Variants in FAM234B observed in about 807,000 individuals in gnomAD.
FAM234B encodes the protein family with sequence similarity 234 member B, also known as protein FAM234B.
Under a neutral mutation model 69.3 loss-of-function variants are expected in FAM234B, and 33 were observed. That is an observed-to-expected ratio of 0.48 (90% CI 0.36 to 0.64). The LOEUF is 0.64. Ranked by LOEUF, FAM234B falls within the 30% of genes least tolerant of loss-of-function variation. The pLI is 0.00. For synonymous variants in FAM234B, 306 were observed against 306.9 expected (o/e 1.00, Z 0.03); for missense variants, 697 against 769.7 (o/e 0.91, Z 1.12).
At chr12:13,057,456 C>CT (rs78692501) in intron 2 of FAM234B, among the ~76,000 whole-genome samples, 236 of 147,414 alleles carry the variant, frequency 1.6e-3, no homozygotes, top group South Asian at 0.013. Context: ...TGCTTCCAGT[C>CT]TTTTTTTTTT....
chr12:13,068,762 T>G, intron 9 of FAM234B, 51 bp downstream of exon 9: 1 of 1,242,352 alleles, frequency 8.0e-7, no homozygotes, highest in South Asian at 1.3e-5. Flanking sequence ...GTATATACTT[T>G]GTGTCCAACC....
At chr12:13,080,596 A>G (rs1483592133) in intron 12 of FAM234B, 29 bp from the exon 13 acceptor site, 2 of 1,591,460 alleles carry the variant, frequency 1.3e-6, no homozygotes, top group Middle Eastern at 1.7e-4. Flanking sequence ...ATGAAAAACA[A>G]TAAAGTCACG....
chr12:13,068,549 T>C, intron 8 of FAM234B, 81 bp from the exon 9 acceptor site: 1 of 1,584,406 alleles, frequency 6.3e-7, no homozygotes, highest in Non-Finnish European at 8.6e-7. Context: ...CTGGGGCCAG[T>C]GCAAGAGAAG....
chr12:13,080,872 G>C lies in FAM234B; in HGVS notation c.*242G>C. Reference sequence around the variant, plus strand: ...TAATCCCCTCTAGGAACTCTGCGTGGATCGTTTGGAAATGTGAATCTCTTA... The same window carrying C: ...TAATCCCCTCTAGGAACTCTGCGTGCATCGTTTGGAAATGTGAATCTCTTA... On this transcript the variant is annotated 3_prime_UTR_variant, in exon 13 of 13. Coordinates refer to ENST00000197268, the MANE Select transcript of FAM234B (RefSeq NM_020853.2). The C allele has an allele frequency of 2.3e-6, 1 of 429,474 alleles. No individual in the cohort carries two copies. 26.6% of individuals were successfully genotyped at this position (429,474 alleles called of 1,614,324 possible). A position where few individuals can be genotyped will look rare whatever the true frequency, so the allele number is the denominator to read the frequency against.
chr12:13,055,321 C>G (rs976135495), intron 1 of FAM234B, among the ~76,000 whole-genome samples: 7 of 152,212 alleles, frequency 4.6e-5, no homozygotes, highest in Non-Finnish European at 7.3e-5. Context: ...GTCTTAAACT[C>G]ATGCAGGCAG....
At chr12:13,075,719 G>C (rs373605385) in intron 10 of FAM234B, among the ~76,000 whole-genome samples, 36 of 150,834 alleles carry the variant, frequency 2.4e-4, no homozygotes, top group African/African-American at 8.8e-4. Flanking sequence ...GCCTCCTAAA[G>C]TGCTGGGATT....
chr12:13,055,489 A>G, intron 1 of FAM234B, 62 bp from the exon 2 acceptor site: 2 of 1,443,404 alleles, frequency 1.4e-6, no homozygotes, highest in Non-Finnish European at 9.3e-7. Flanking sequence ...CAGTTGCCAT[A>G]TATTTGGTGA....
At chr12:13,077,243 G>A (rs373905642) in intron 11 of FAM234B, among the ~76,000 whole-genome samples, 30 of 152,070 alleles carry the variant, frequency 2.0e-4, no homozygotes, top group East Asian at 1.5e-3. Flanking sequence ...ATTACAACTT[G>A]TATTTTATTT....
intron 2 of FAM234B, among the ~76,000 whole-genome samples, chr12:13,058,063 G>GCTTTTGGCTAGGGAAGGCAGC (rs1258499122): frequency 2.4e-4 from 36 of 152,190 alleles, no homozygotes; most frequent in Non-Finnish European, 4.9e-4. Context: ...CCTTTCCTGG[G>GCTTTTGGCTAGGGAAGGCAGC]CTTTTGGCTA....
At position 13,067,403 on chromosome 12, in the gene FAM234B, G is replaced by C; in HGVS notation, c.1142+107G>C. On this transcript the variant is annotated intron_variant, in intron 7 of 12. Transcript: ENST00000197268. The surrounding 1 kb of genome is among the most constrained non-coding windows in gnomAD (Gnocchi z 4.7). ...GGTGAATATGTGGGTAGAGGTTTAG[G>C]GGAAACAGTGCTTATCTTAATTTAC... The C allele has an allele frequency of 8.8e-7, 1 of 1,138,586 alleles. No individual in the cohort carries two copies. Among genetic ancestry groups the C allele is most frequent in the Non-Finnish European group, 1.3e-6 (1 of 778,446 alleles). The allele number at this position is 1,138,586 out of a possible 1,614,324, so 70.5% of individuals were successfully genotyped here.
intron 10 of FAM234B, 90 bp downstream of exon 10, chr12:13,071,486 C>T: frequency 2.4e-6 from 3 of 1,228,272 alleles, no homozygotes; most frequent in Non-Finnish European, 2.3e-6. Flanking sequence ...TTATTTGACC[C>T]ATCACTTTCC....
At chr12:13,069,278 ATGGATGAC>A in intron 9 of FAM234B, among the ~76,000 whole-genome samples, 1 of 152,162 alleles carries the variant, frequency 6.6e-6, no homozygotes, top group East Asian at 1.9e-4. Flanking sequence ...TAATGATTGG[ATGGATGAC>A]TTTCATTTCT....
At chr12:13,061,471 C>T in intron 3 of FAM234B, 104 bp from the exon 4 acceptor site, 1 of 864,336 alleles carries the variant, frequency 1.2e-6, no homozygotes, top group Non-Finnish European at 1.8e-6. Context: ...AGTGTGGTTG[C>T]TGCCTTACCA....
At chr12:13,047,095 G>A (rs1013914620) in intron 1 of FAM234B, among the ~76,000 whole-genome samples, 4 of 152,158 alleles carry the variant, frequency 2.6e-5, no homozygotes, top group African/African-American at 9.7e-5. Flanking sequence ...CTGAAGGAAG[G>A]CTTGATGTAA....
chr12:13,058,751 G>A lies in FAM234B; in HGVS notation c.532+202G>A, dbSNP rs1864957124. On this transcript the variant is annotated intron_variant, in intron 3 of 12. Transcript: ENST00000197268. ...GTCTAAGAAATCGGAGGGAGTTAGA[G>A]CTGGAAGGAATTTTTAGTGGTGACC... Among the ~76,000 whole-genome samples, 3 of 152,186 alleles carry A rather than the reference G, an allele frequency of 2.0e-5. No individual in the cohort carries two copies. In the South Asian group the frequency reaches 6.2e-4, roughly 32 times the overall value.
intron 9 of FAM234B, among the ~76,000 whole-genome samples, chr12:13,069,141 G>A (rs192125988): frequency 6.6e-6 from 1 of 152,196 alleles, no homozygotes; most frequent in Non-Finnish European, 1.5e-5. Flanking sequence ...TCGTATTTAT[G>A]TAGACAGGAA....
At chr12:13,046,370 T>C (rs527652659) in intron 1 of FAM234B, among the ~76,000 whole-genome samples, 2 of 152,344 alleles carry the variant, frequency 1.3e-5, no homozygotes, top group South Asian at 2.1e-4. Flanking sequence ...TCCCCTGTAA[T>C]TGGGGTCCTG....
Position 13,079,841 on chromosome 12 carries a change from G to A in FAM234B, c.1695G>A (p.Gly565=). 1 of 1,614,048 alleles carries A rather than the reference G, an allele frequency of 6.2e-7. No homozygotes were observed. The highest frequency in any genetic ancestry group is 8.5e-7 in the Non-Finnish European group (1 of 1,179,978). The change falls in exon 12 of 13, where the codon GGG becomes GGA. Residue 565 remains glycine (G), a synonymous_variant. Coordinates refer to ENST00000197268, the MANE Select transcript of FAM234B (RefSeq NM_020853.2). ...KDAFYVTRTT[G]PSSEGHPAAL... The stretch of plus-strand genomic sequence containing the variant: ...CCTTTTATGTTACCAGGACAACAGG[G>A]CCAAGCTCCGAAGGCCATCCAGCAG...
chr12:13,071,136 A>T (rs904695753), intron 9 of FAM234B, 105 bp from the exon 10 acceptor site: 43 of 1,224,052 alleles, frequency 3.5e-5, no homozygotes, highest in Non-Finnish European at 5.0e-5. Flanking sequence ...CAGCGTGTTG[A>T]TATTTGTGTT....
Sources: allele counts gnomAD v4.1 joint callset (sites outside exome capture counted in the v4.1 genomes callset), GRCh38; gene constraint gnomAD v4.1.1; non-coding constraint Gnocchi (gnomAD v3.1); transcripts MANE v1.5; gene names NCBI Gene and HGNC (gene_info 2026-07-23, HGNC 2026-07-21).